Variants in GPR143 observed in about 807,000 individuals in gnomAD.
The protein encoded by GPR143 is G-protein coupled receptor 143.
A neutral mutation model predicts 27.6 loss-of-function variants in GPR143; 8 were observed. That is an observed-to-expected ratio of 0.29 (90% confidence interval 0.17 to 0.52). The LOEUF (loss-of-function observed/expected upper bound fraction) is 0.52. Ranked by LOEUF, GPR143 falls within the 20% of genes least tolerant of loss-of-function variation. GPR143 has a pLI of 0.96. For synonymous variants in GPR143, 156 were observed against 153.2 expected, an observed-to-expected ratio of 1.02 and a Z score of -0.13; for missense variants, 303 against 343.1, an observed-to-expected ratio of 0.88 and a Z score of 0.92.
intron 3 of GPR143, among the ~76,000 whole-genome samples, chrX:9,753,722 G>A (rs975174254): frequency 1.8e-5 from 2 of 111,461 alleles, no homozygotes; most frequent in Non-Finnish European, 3.8e-5. Context: ...TGGCTCACCC[G>A]ATAAGCAAGG....
chrX:9,751,259 T>C (rs2083450208), intron 3 of GPR143, among the ~76,000 whole-genome samples: 1 of 112,312 alleles, frequency 8.9e-6, no homozygotes, highest in African/African-American at 3.2e-5. Flanking sequence ...ACCTCCACTT[T>C]CCTACAAGGC....
intron 8 of GPR143, among the ~76,000 whole-genome samples, chrX:9,732,865 C>CAAAA (rs34622284): frequency 6.0e-4 from 29 of 48,091 alleles, no homozygotes; most frequent in South Asian, 1.3e-3. Flanking sequence ...AACTCCATCT[C>CAAAA]AAAAAAAAAA....
intron 1 of GPR143, among the ~76,000 whole-genome samples, chrX:9,763,123 G>C (rs1365091962): frequency 1.9e-5 from 2 of 107,917 alleles, no homozygotes; most frequent in Non-Finnish European, 3.8e-5. Flanking sequence ...CTTGGGGGTA[G>C]AGCCTGGGTC....
intron 8 of GPR143, among the ~76,000 whole-genome samples, chrX:9,737,108 G>A (rs1405236589): frequency 1.8e-5 from 2 of 111,616 alleles, no homozygotes; most frequent in African/African-American, 6.5e-5. Flanking sequence ...ACCAATCTGG[G>A]CAACATAGGG....
At chrX:9,761,428 G>T (rs745567073) in intron 1 of GPR143, among the ~76,000 whole-genome samples, 6 of 112,291 alleles carry the variant, frequency 5.3e-5, no homozygotes, top group Non-Finnish European at 1.1e-4. Context: ...CAAAACAAAC[G>T]CAGGCACTTT....
intron 5 of GPR143, among the ~76,000 whole-genome samples, chrX:9,744,649 G>A (rs1426906444): frequency 9.0e-6 from 1 of 111,690 alleles, no homozygotes; most frequent in East Asian, 2.8e-4. Context: ...AGGTTTCAGT[G>A]AGCCGAGATC....
chrX:9,775,518 GT>G (rs1049545543), intron 1 of GPR143, among the ~76,000 whole-genome samples: 1 of 111,811 alleles, frequency 8.9e-6, no homozygotes, highest in Non-Finnish European at 1.9e-5. Flanking sequence ...TGGCTCCTCT[GT>G]TTTATCCCTT....
chrX:9,751,040 C>T (rs191248319), intron 3 of GPR143, among the ~76,000 whole-genome samples: 1 of 112,655 alleles, frequency 8.9e-6, no homozygotes, highest in African/African-American at 3.2e-5. Context: ...CAGGTTTGAA[C>T]CGAATGCAAA....
intron 1 of GPR143, among the ~76,000 whole-genome samples, chrX:9,776,977 T>C (rs1376243618): frequency 9.0e-6 from 1 of 111,711 alleles, no homozygotes; most frequent in Admixed American, 9.6e-5. Context: ...AGATGGTAAA[T>C]TCTTCAAACT....
chrX:9,755,927 C>T (rs1440515555), intron 3 of GPR143, among the ~76,000 whole-genome samples: 1 of 111,894 alleles, frequency 8.9e-6, no homozygotes, highest in Non-Finnish European at 1.9e-5. Flanking sequence ...AGAATTTTCA[C>T]AACCAGGCAT....
At chrX:9,766,026 A>C (rs1431360470), upstream of GPR143, 4 of 290,859 alleles carry the variant, frequency 1.4e-5, no homozygotes, top group Non-Finnish European at 2.4e-5. Flanking sequence ...GGGCGGGCGG[A>C]GGAGGAGGAC....
intron 8 of GPR143, among the ~76,000 whole-genome samples, chrX:9,739,117 A>T (rs2146683669): frequency 8.9e-6 from 1 of 112,540 alleles, no homozygotes; most frequent in Non-Finnish European, 1.9e-5. Context: ...CCAAATTTCA[A>T]CATTATTTTG....
At chrX:9,735,946 C>T (rs372550805) in intron 8 of GPR143, among the ~76,000 whole-genome samples, 8 of 111,660 alleles carry the variant, frequency 7.2e-5, no homozygotes, top group African/African-American at 2.6e-4. Context: ...AAGTAGTATC[C>T]GATGCACACT....
At chrX:9,731,036 G>A (rs2083350959) in intron 8 of GPR143, among the ~76,000 whole-genome samples, 7 of 112,182 alleles carry the variant, frequency 6.2e-5, no homozygotes, top group Admixed American at 2.8e-4. Flanking sequence ...GCACGGGAAG[G>A]GGAAGGGCTG....
chrX:9,756,239 AC>A (rs1459143842), intron 3 of GPR143, among the ~76,000 whole-genome samples: 1 of 112,319 alleles, frequency 8.9e-6, no homozygotes, highest in Non-Finnish European at 1.9e-5. Context: ...CCCATTAGTC[AC>A]CTGTGCACAA....
intron 8 of GPR143, among the ~76,000 whole-genome samples, chrX:9,727,277 T>C (rs1445023688): frequency 1.8e-5 from 2 of 113,573 alleles, no homozygotes; most frequent in African/African-American, 3.2e-5. Context: ...CTCAGCCATA[T>C]TAGGGAAACT....
intron 5 of GPR143, among the ~76,000 whole-genome samples, chrX:9,744,754 TTTC>T (rs2083420738): frequency 8.9e-6 from 1 of 112,288 alleles, no homozygotes; most frequent in Non-Finnish European, 1.9e-5. Context: ...AAAAATTTAA[TTTC>T]TTCTTATAGA....
intron 1 of GPR143, among the ~76,000 whole-genome samples, chrX:9,764,520 A>G (rs756128791): frequency 0.045 from 3,674 of 81,341 alleles, 62 homozygotes; most frequent in Admixed American, 0.086. Flanking sequence ...ACACACACAC[A>G]CACACACACA....
intron 8 of GPR143, among the ~76,000 whole-genome samples, chrX:9,734,474 A>G (rs913514806): frequency 9.0e-6 from 1 of 111,434 alleles, no homozygotes. Context: ...TGGGAGATAC[A>G]GCTACGCTCC....
Sources: gnomAD v4.1 joint callset for allele counts (sites outside exome capture counted in the v4.1 genomes callset) on GRCh38, gnomAD v4.1.1 for gene constraint, MANE v1.5 for transcripts, NCBI Gene and HGNC (gene_info 2026-07-23, HGNC 2026-07-21) for gene names.